Variants in SH3RF2 observed in about 807,000 individuals in gnomAD.
The protein encoded by SH3RF2 is SH3 domain containing ring finger 2, also known as E3 ubiquitin-protein ligase SH3RF2.
SH3RF2 carries 43 observed loss-of-function variants against 59.0 expected under a neutral mutation model. That is an observed-to-expected ratio of 0.73 (90% CI 0.57 to 0.94). The LOEUF (loss-of-function observed/expected upper bound fraction) is 0.94, where lower values mean the gene tolerates loss of function less well. SH3RF2 is among the 40% of genes least tolerant of loss of function. SH3RF2 has a pLI of 0.00. For synonymous variants in SH3RF2, 391 were observed against 391.5 expected (o/e 1.00, Z 0.01); for missense variants, 930 against 940.1 (o/e 0.99, Z 0.14).
At chr5:145,991,067 G>A (rs1348848077) in intron 2 of SH3RF2, among the ~76,000 whole-genome samples, 1 of 152,084 alleles carries the variant, frequency 6.6e-6, no homozygotes, top group Non-Finnish European at 1.5e-5. Flanking sequence ...ATTCACATTC[G>A]ATTCAGATTT....
At chr5:145,968,286 A>G (rs1416684160) in intron 2 of SH3RF2, among the ~76,000 whole-genome samples, 1 of 152,216 alleles carries the variant, frequency 6.6e-6, no homozygotes, top group Non-Finnish European at 1.5e-5. Flanking sequence ...AAAATATTGG[A>G]AAGAACCCCA....
At chr5:146,027,962 A>C (rs1175310079) in intron 5 of SH3RF2, among the ~76,000 whole-genome samples, 2 of 152,188 alleles carry the variant, frequency 1.3e-5, no homozygotes, top group African/African-American at 4.8e-5. Context: ...TCCTTGATTC[A>C]GCATTTCTCC....
chr5:146,022,506 T>C (rs1280217684), intron 5 of SH3RF2, among the ~76,000 whole-genome samples: 3 of 152,196 alleles, frequency 2.0e-5, no homozygotes, highest in Non-Finnish European at 2.9e-5. Flanking sequence ...TATCATTTCG[T>C]CCAGAAAAAT....
rs1762653847 is a variant in SH3RF2 at position 146,056,043 on chromosome 5, C to T, written c.1385C>T (p.Thr462Ile). 6.2e-7 allele frequency: 1 copy of T among 1,614,130 alleles called. No homozygotes were observed. The highest frequency in any genetic ancestry group is 1.3e-5 in the African/African-American group (1 of 74,956). Residue 462 changes from threonine (T) to isoleucine (I), a missense_variant, in exon 8 of 10, where the codon ACC (threonine) becomes ATC (isoleucine). By Grantham distance (89) the Thr-to-Ile change is moderately conservative (BLOSUM62 -1). Coordinates refer to ENST00000359120, the MANE Select transcript of SH3RF2 (RefSeq NM_152550.4). ...CTCTACACCACATGGACGTTATCCACCTCCTCTGTGTCCTCCCAAGGCAGC... is the reference window on the plus strand; with the variant it reads ...CTCTACACCACATGGACGTTATCCATCTCCTCTGTGTCCTCCCAAGGCAGC... The part of the protein sequence containing the change: ...PGLYTTWTLS[T>I]SSVSSQGSIS...
chr5:146,042,825 A>T (rs1216683434), intron 5 of SH3RF2, among the ~76,000 whole-genome samples: 2 of 152,170 alleles, frequency 1.3e-5, no homozygotes, highest in African/African-American at 2.4e-5. Context: ...GAGGGAAAAA[A>T]ATGTGTTTAG....
chr5:145,936,787 G>C (rs908861874), intron 1 of SH3RF2, 93 bp downstream of exon 1: 2 of 152,310 alleles, frequency 1.3e-5, no homozygotes, highest in Non-Finnish European at 2.9e-5. Context: ...GCTCATTCTC[G>C]GTCGTGTCTG....
At chr5:146,027,932 G>A (rs888298454) in intron 5 of SH3RF2, among the ~76,000 whole-genome samples, 1 of 152,162 alleles carries the variant, frequency 6.6e-6, no homozygotes, top group East Asian at 1.9e-4. Context: ...AAGCAGGTTC[G>A]ATAATTAACA....
intron 2 of SH3RF2, among the ~76,000 whole-genome samples, chr5:145,978,448 C>G (rs1020122972): frequency 1.2e-4 from 19 of 152,196 alleles, no homozygotes; most frequent in African/African-American, 4.6e-4. Context: ...TTATATATGT[C>G]TTCATGCCCT....
At chr5:145,997,614 ATTAC>A in intron 2 of SH3RF2, 1 of 1,596,618 alleles carries the variant, frequency 6.3e-7, no homozygotes, top group South Asian at 1.1e-5. Context: ...GTTTAAGAAA[ATTAC>A]TTATCCTCTG....
intron 9 of SH3RF2, among the ~76,000 whole-genome samples, chr5:146,061,020 C>G (rs928615171): frequency 2.6e-5 from 4 of 152,128 alleles, no homozygotes. Flanking sequence ...ACCTCCATCA[C>G]CACCGCCATC....
chr5:145,979,236 T>C (rs1759419491), intron 2 of SH3RF2, among the ~76,000 whole-genome samples: 1 of 152,196 alleles, frequency 6.6e-6, no homozygotes, highest in Non-Finnish European at 1.5e-5. Flanking sequence ...ACCCCAGACC[T>C]ACTACAGAAG....
Position 146,056,934 on chromosome 5 carries a change from G to A in SH3RF2, c.1555+721G>A, listed in dbSNP as rs191555206. On this transcript the variant is annotated intron_variant, in intron 8 of 9. Transcript: ENST00000359120. ...CTATGCTTTTGTCTCTTCACATAGT[G>A]AACTTCTACATAAGATTTCCTTTTC... 5.3e-4 allele frequency among the ~76,000 whole-genome samples: 80 copies of A among 152,254 alleles called. 2 individuals carry two copies. In the East Asian group the frequency reaches 0.013, roughly 24 times the overall value.
rs1457166509 is a variant in SH3RF2, at chr5:146,056,063, GGCA to G, written c.1409_1411del (p.Ser470del). ...ATCCACCTCCTCTGTGTCCTCCCAA[GGCA>G]GCATTTCAGAAGGTGATCCACGGCA... On this transcript the variant is annotated inframe_deletion, in exon 8 of 10. Transcript: ENST00000359120. The G allele has an allele frequency of 6.2e-7, 1 of 1,614,168 alleles. No individual in the cohort carries two copies. Among genetic ancestry groups the G allele is most frequent in the Admixed American group, 1.7e-5 (1 of 60,022 alleles).
intron 2 of SH3RF2, among the ~76,000 whole-genome samples, chr5:145,973,640 T>G (rs1759172045): frequency 6.6e-6 from 1 of 152,232 alleles, no homozygotes; most frequent in Admixed American, 6.5e-5. Flanking sequence ...CTCCAAGGAT[T>G]CTTGAGCCCA....
intron 2 of SH3RF2, among the ~76,000 whole-genome samples, chr5:145,943,891 A>G (rs891310384): frequency 1.3e-5 from 2 of 152,126 alleles, no homozygotes; most frequent in Non-Finnish European, 2.9e-5. Flanking sequence ...GGGATTAGCC[A>G]ATATATATTT....
At position 146,056,025 on chromosome 5, in the gene SH3RF2, C is replaced by T; in HGVS notation, c.1367C>T (p.Thr456Ile). 1 of 1,614,240 alleles carries T rather than the reference C, an allele frequency of 6.2e-7. No individual in the cohort carries two copies. The highest frequency in any genetic ancestry group is 1.3e-5 in the African/African-American group (1 of 75,056). ...FPDSRSPGLY[T>I]TWTLSTSSVS... The stretch of plus-strand genomic sequence containing the variant: ...GACTCCCGGAGCCCTGGTCTCTACA[C>T]CACATGGACGTTATCCACCTCCTCT... Residue 456 changes from threonine to isoleucine, a missense_variant, in exon 8 of 10, where the codon ACC becomes ATC. Transcript: ENST00000359120.
chr5:145,964,289 TTCCTTCCTTCCTTC>T (rs1758769349), intron 2 of SH3RF2, among the ~76,000 whole-genome samples: 1 of 137,806 alleles, frequency 7.3e-6, no homozygotes, highest in African/African-American at 2.9e-5. Context: ...CCTTCCTTCC[TTCCTTCCTTCCTTC>T]CTTTCTTTCT....
At chr5:146,070,431 G>A (rs1763208172) in intron 9 of SH3RF2, among the ~76,000 whole-genome samples, 2 of 152,160 alleles carry the variant, frequency 1.3e-5, no homozygotes, top group East Asian at 3.8e-4. Context: ...TTTATGCACA[G>A]AGAAATCCAA....
At chr5:146,064,815 A>AGGAAGGAAGGAAGGAAG (rs1173203019), downstream of SH3RF2, among the ~76,000 whole-genome samples, 7 of 12,876 alleles carry the variant, frequency 5.4e-4, no homozygotes, top group Non-Finnish European at 1.9e-3. Context: ...AAGGAAAGAA[A>AGGAAGGAAGGAAGGAAG]GAAAGAAAGA....
Sources: gnomAD v4.1 joint callset for allele counts (sites outside exome capture counted in the v4.1 genomes callset) on GRCh38, gnomAD v4.1.1 for gene constraint, MANE v1.5 for transcripts, NCBI Gene and HGNC (gene_info 2026-07-23, HGNC 2026-07-21) for gene names.